The following MAML3 variants were observed in gnomAD, a reference collection of about 807,000 sequenced individuals.
MAML3 encodes the protein mastermind-like protein 3.
A neutral mutation model predicts 101.9 loss-of-function variants in MAML3; 27 were observed. That is an observed-to-expected ratio of 0.27 (90% CI 0.20 to 0.37). The LOEUF (loss-of-function observed/expected upper bound fraction) is 0.37. Ranked by LOEUF, MAML3 falls within the 10% of genes least tolerant of loss-of-function variation. The pLI is 1.00. For synonymous variants in MAML3, 501 were observed against 555.9 expected (o/e 0.90, Z 1.39); for missense variants, 1,316 against 1,444.9 (o/e 0.91, Z 1.45).
intron 1 of MAML3, among the ~76,000 whole-genome samples, chr4:140,146,125 G>C (rs1411296165): frequency 6.6e-6 from 1 of 151,914 alleles, no homozygotes; most frequent in Non-Finnish European, 1.5e-5. Context: ...TACCGGTCTC[G>C]GCCTCCCATA....
intron 1 of MAML3, among the ~76,000 whole-genome samples, chr4:140,118,361 A>G (rs1440686541): frequency 6.6e-6 from 1 of 152,136 alleles, no homozygotes; most frequent in East Asian, 1.9e-4. Context: ...ATTAGGTTGA[A>G]GATTAAATGA....
intron 2 of MAML3, among the ~76,000 whole-genome samples, chr4:139,864,938 T>TTG (rs1731868016): frequency 6.9e-6 from 1 of 144,038 alleles, no homozygotes; most frequent in East Asian, 2.0e-4. Flanking sequence ...TTTTTTTTTT[T>TTG]TTTTTTTTTT....
At chr4:140,104,408 A>ATATG (rs368174569) in intron 1 of MAML3, among the ~76,000 whole-genome samples, 12,146 of 55,020 alleles carry the variant, frequency 0.22, 1,640 homozygotes, top group East Asian at 0.45. Flanking sequence ...TATAATATAT[A>ATATG]ATATAATATA....
chr4:139,901,028 A>C (rs1732709216), intron 1 of MAML3, among the ~76,000 whole-genome samples: 1 of 152,196 alleles, frequency 6.6e-6, no homozygotes, highest in Admixed American at 6.5e-5. Flanking sequence ...GCTATTTTGC[A>C]TCTGATGACT....
In MAML3 at chr4:140,105,742, T is replaced by C. The variant is rs569506035; in HGVS notation, c.468+47118A>G. Among the ~76,000 whole-genome samples the C allele has an allele frequency of 1.3e-4, 20 of 152,278 alleles. No homozygotes were observed. The South Asian group carries it at 4.1e-3, about 32-fold the overall frequency. On this transcript the variant is annotated intron_variant, in intron 1 of 4. Transcript: ENST00000509479. Reference sequence around the variant, plus strand: ...CATGGAGGAAAAAAACAAAATCCTCTTCCCCAGTCTGGTCAATACACCCAT... The same window carrying C: ...CATGGAGGAAAAAAACAAAATCCTCCTCCCCAGTCTGGTCAATACACCCAT...
intron 2 of MAML3, among the ~76,000 whole-genome samples, chr4:139,816,462 A>G (rs927929019): frequency 6.6e-6 from 1 of 152,162 alleles, no homozygotes; most frequent in Non-Finnish European, 1.5e-5. Flanking sequence ...CACCATTCGA[A>G]CAGAGTATTG....
intron 2 of MAML3, among the ~76,000 whole-genome samples, chr4:139,769,116 A>C (rs1475038310): frequency 1.3e-5 from 2 of 152,234 alleles, no homozygotes; most frequent in Non-Finnish European, 2.9e-5. Flanking sequence ...GAGTCTCAGC[A>C]GAAGCAGAAG....
chr4:139,788,635 T>C (rs1489714130), intron 2 of MAML3, among the ~76,000 whole-genome samples: 1 of 152,254 alleles, frequency 6.6e-6, no homozygotes, highest in Non-Finnish European at 1.5e-5. Flanking sequence ...CTATAATCTT[T>C]AACTTCTCTT....
intron 1 of MAML3, among the ~76,000 whole-genome samples, chr4:140,028,296 G>C (rs1467544640): frequency 6.6e-6 from 1 of 152,104 alleles, no homozygotes; most frequent in Non-Finnish European, 1.5e-5. Flanking sequence ...GAGGTTCCTG[G>C]GGTAAGGATT....
intron 1 of MAML3, among the ~76,000 whole-genome samples, chr4:139,912,534 C>T (rs1369253362): frequency 1.3e-5 from 2 of 152,188 alleles, no homozygotes; most frequent in Non-Finnish European, 2.9e-5. Context: ...AACTTCAGTA[C>T]CTCAGAATGT....
At chr4:139,798,660 C>T (rs995674976) in intron 2 of MAML3, among the ~76,000 whole-genome samples, 3 of 152,192 alleles carry the variant, frequency 2.0e-5, no homozygotes, top group Non-Finnish European at 2.9e-5. Flanking sequence ...CATTCATAGT[C>T]TATGAGGTAA....
At chr4:139,842,105 C>A (rs1241520884) in intron 2 of MAML3, among the ~76,000 whole-genome samples, 1 of 152,160 alleles carries the variant, frequency 6.6e-6, no homozygotes, top group African/African-American at 2.4e-5. Flanking sequence ...TACCTGCAGA[C>A]AAGGCATCCC....
chr4:140,014,954 A>G (rs1389553779), intron 1 of MAML3, among the ~76,000 whole-genome samples: 1 of 152,258 alleles, frequency 6.6e-6, no homozygotes, highest in Non-Finnish European at 1.5e-5. Context: ...TACAGAAGAA[A>G]GTAAAGTTGC....
intron 1 of MAML3, among the ~76,000 whole-genome samples, chr4:139,928,657 A>G (rs183611166): frequency 1.4e-4 from 22 of 152,276 alleles, no homozygotes; most frequent in African/African-American, 4.8e-4. Context: ...CATGTCAAGG[A>G]AACAGAAAAG....
intron 2 of MAML3, among the ~76,000 whole-genome samples, chr4:139,883,530 G>A (rs1375230874): frequency 6.6e-6 from 1 of 152,176 alleles, no homozygotes; most frequent in African/African-American, 2.4e-5. Context: ...CTGAGAGGAT[G>A]GGGAAGAGAA....
chr4:140,153,452 G>C lies in MAML3; in HGVS notation c.-125C>G. 15 of 946,140 alleles carry C rather than the reference G, an allele frequency of 1.6e-5. No homozygotes were observed. Among genetic ancestry groups the C allele is most frequent in the Non-Finnish European group, 1.1e-5 (8 of 730,636 alleles). The allele number at this position is 946,140 out of a possible 1,614,324, so 58.6% of individuals were successfully genotyped here. A position where few individuals can be genotyped will look rare whatever the true frequency, so the allele number is the denominator to read the frequency against. Reference sequence around the variant, plus strand: ...CGGGGGAGACGCAAGCACATGGATGGAAACGGCGATCCCGACGGGGCGAAA... The same window carrying C: ...CGGGGGAGACGCAAGCACATGGATGCAAACGGCGATCCCGACGGGGCGAAA... On this transcript the variant is annotated 5_prime_UTR_variant, in exon 1 of 5. Coordinates refer to ENST00000509479, the MANE Select transcript of MAML3 (RefSeq NM_018717.5).
chr4:139,915,694 G>C lies in MAML3; in HGVS notation c.469-24727C>G, dbSNP rs138228254. The stretch of plus-strand genomic sequence containing the variant: ...AGTCTGGTGGCTAAGCAGCATTGGC[G>C]GGGGGGCGGGGATCCTCTGAACCCA... On this transcript the variant is annotated intron_variant, in intron 1 of 4. Transcript: ENST00000509479. Among the ~76,000 whole-genome samples the C allele has an allele frequency of 1.3e-3, 202 of 151,902 alleles. 1 individual carries two copies. The Middle Eastern group carries it at 0.017, about 13-fold the overall frequency.
At chr4:139,832,288 A>T (rs532576079) in intron 2 of MAML3, among the ~76,000 whole-genome samples, 14,932 of 146,704 alleles carry the variant, frequency 0.1, 1,728 homozygotes, top group African/African-American at 0.29. Flanking sequence ...TTTTATTTTT[A>T]TTTTTAGTAG....
At chr4:139,869,010 T>C (rs1199719257) in intron 2 of MAML3, among the ~76,000 whole-genome samples, 4 of 152,184 alleles carry the variant, frequency 2.6e-5, no homozygotes, top group Admixed American at 6.5e-5. Context: ...AAAATAATCT[T>C]AAGGGAGCCA....
Sources: allele counts gnomAD v4.1 joint callset (sites outside exome capture counted in the v4.1 genomes callset), GRCh38; gene constraint gnomAD v4.1.1; transcripts MANE v1.5; gene names NCBI Gene and HGNC (gene_info 2026-07-23, HGNC 2026-07-21).